The following ABCB1 variants were observed in gnomAD, a reference collection of about 807,000 sequenced individuals.
ABCB1 encodes ATP binding cassette subfamily B member 1.
In ABCB1, 69 loss-of-function variants were observed where a neutral mutation model predicts 142.0. The observed-to-expected ratio is 0.49, with a 90% confidence interval of 0.40 to 0.59. The LOEUF is 0.59. ABCB1 is among the 20% of genes least tolerant of loss of function. The pLI is 0.00. For missense variants in ABCB1, 1,326 were observed against 1,554.7 expected (o/e 0.85, Z 2.47); for synonymous variants, 532 against 539.2 (o/e 0.99, Z 0.18).
chr7:87,700,721 T>C (rs1828957222), intron 1 of ABCB1: 1 of 618,006 alleles, frequency 1.6e-6, no homozygotes, highest in Non-Finnish European at 2.7e-6. Flanking sequence ...TCTAAACTAG[T>C]GGCTCTCAAA....
At chr7:87,587,974 T>C (rs978062001) in intron 3 of ABCB1, among the ~76,000 whole-genome samples, 4 of 151,758 alleles carry the variant, frequency 2.6e-5, no homozygotes, top group African/African-American at 7.3e-5. Flanking sequence ...ACCCTCAAGT[T>C]TGGGGTGTAA....
At chr7:87,678,307 G>A (rs1184057389) in intron 1 of ABCB1, among the ~76,000 whole-genome samples, 1 of 152,164 alleles carries the variant, frequency 6.6e-6, no homozygotes, top group East Asian at 1.9e-4. Flanking sequence ...AGGTTTCCAG[G>A]TTTGCATGTA....
Position 87,618,376 on chromosome 7 carries a change from A to T in ABCB1, c.-330-17298T>A, listed in dbSNP as rs28381776. Among the ~76,000 whole-genome samples the T allele has an allele frequency of 1.4e-4, 22 of 152,342 alleles. No individual in the cohort carries two copies. In the East Asian group the frequency reaches 3.9e-3, roughly 27 times the overall value. On this transcript the variant is annotated intron_variant, in intron 1 of 28. Transcript: ENST00000265724. ...TCTGTCACTTAATGGGCAACTAAAA[A>T]ATATTTATTGAATAAATAAATACAA... is the stretch of plus-strand genomic sequence containing the variant.
intron 8 of ABCB1, among the ~76,000 whole-genome samples, chr7:87,558,599 G>C (rs1817413677): frequency 6.6e-6 from 1 of 151,900 alleles, no homozygotes; most frequent in South Asian, 2.1e-4. Flanking sequence ...AGAAATGATA[G>C]TAAACACATT....
At chr7:87,665,308 A>C (rs1318382603) in intron 1 of ABCB1, among the ~76,000 whole-genome samples, 1 of 152,144 alleles carries the variant, frequency 6.6e-6, no homozygotes, top group Non-Finnish European at 1.5e-5. Context: ...GAACTATCCA[A>C]AAATAGAAAT....
At chr7:87,699,997 T>TG (rs1828875004) in intron 1 of ABCB1, among the ~76,000 whole-genome samples, 1 of 151,978 alleles carries the variant, frequency 6.6e-6, no homozygotes, top group Non-Finnish European at 1.5e-5. Context: ...ATTATGGTGG[T>TG]GGGGTTTTTT....
At position 87,626,752 on chromosome 7, in the gene ABCB1, CATATATATGTCATATATATGTCAG is replaced by C. The variant is rs1563082010; in HGVS notation, c.-330-25698_-330-25675del. Among the ~76,000 whole-genome samples the C allele has an allele frequency of 1.5e-3, 71 of 48,876 alleles. 1 individual carries two copies. Among genetic ancestry groups the C allele is most frequent in the Admixed American group, 3.1e-3 (14 of 4,558 alleles). The allele number at this position is 48,876 out of a possible 152,430, so 32.1% of individuals were successfully genotyped here. A position where few individuals can be genotyped will look rare whatever the true frequency, so the allele number is the denominator to read the frequency against. ...TCATATATATGTGTCATATATATGTCATATATATGTCATATATATGTCAGAGAGAGAGAGAGAGAGAGAGATGGA... is the reference window on the plus strand; with the variant it reads ...TCATATATATGTGTCATATATATGTCAGAGAGAGAGAGAGAGAGAGATGGA... On this transcript the variant is annotated intron_variant, in intron 1 of 28. Coordinates refer to the ABCB1 transcript ENST00000265724.
intron 1 of ABCB1, among the ~76,000 whole-genome samples, chr7:87,649,826 G>A (rs570677956): frequency 2.0e-5 from 3 of 152,230 alleles, no homozygotes; most frequent in Admixed American, 6.5e-5. Flanking sequence ...TGTTCTTGTA[G>A]TAGTGAATAA....
chr7:87,552,394 T>C (rs895595896), intron 9 of ABCB1, among the ~76,000 whole-genome samples: 8 of 152,192 alleles, frequency 5.3e-5, no homozygotes, highest in African/African-American at 1.7e-4. Flanking sequence ...TGTCATATCA[T>C]TTGGCAGAAG....
intron 20 of ABCB1, among the ~76,000 whole-genome samples, chr7:87,533,227 A>G (rs1816139594): frequency 1.3e-5 from 2 of 152,064 alleles, no homozygotes; most frequent in African/African-American, 4.8e-5. Context: ...CAGGGATGAT[A>G]TAAGTTGCTC....
chr7:87,685,058 G>A (rs1827321502), intron 1 of ABCB1, among the ~76,000 whole-genome samples: 1 of 151,872 alleles, frequency 6.6e-6, no homozygotes, highest in Non-Finnish European at 1.5e-5. Context: ...AACAACAAAA[G>A]TACAATCCAT....
chr7:87,698,171 C>T (rs1828667398), intron 1 of ABCB1, among the ~76,000 whole-genome samples: 1 of 152,196 alleles, frequency 6.6e-6, no homozygotes, highest in African/African-American at 2.4e-5. Context: ...ACGATCTCGG[C>T]TCACTGCAAG....
At chr7:87,628,572 G>GGTGCGTGC (rs1226549428) in intron 1 of ABCB1, 39 of 326,800 alleles carry the variant, frequency 1.2e-4, no homozygotes, top group Middle Eastern at 1.6e-3. Flanking sequence ...GGGCGGAGGT[G>GGTGCGTGC]GTGCGTGCGT....
chr7:87,588,908 G>A (rs1818870340), intron 3 of ABCB1, among the ~76,000 whole-genome samples: 4 of 152,166 alleles, frequency 2.6e-5, no homozygotes, highest in Admixed American at 2.6e-4. Flanking sequence ...GATCAGTGAT[G>A]TTGAGCTTTT....
intron 23 of ABCB1, among the ~76,000 whole-genome samples, chr7:87,517,888 C>T (rs1271139979): frequency 6.6e-6 from 1 of 152,154 alleles, no homozygotes; most frequent in Non-Finnish European, 1.5e-5. Flanking sequence ...TAGGAAGTAG[C>T]ATGTTTGATT....
chr7:87,664,805 A>G (rs1825067926), intron 1 of ABCB1, among the ~76,000 whole-genome samples: 1 of 152,170 alleles, frequency 6.6e-6, no homozygotes, highest in African/African-American at 2.4e-5. Flanking sequence ...AATATAGAAA[A>G]TACATTTGAC....
chr7:87,574,753 C>G (rs1161368425), intron 4 of ABCB1, among the ~76,000 whole-genome samples: 1 of 152,188 alleles, frequency 6.6e-6, no homozygotes, highest in Non-Finnish European at 1.5e-5. Context: ...AGCAGAGTGA[C>G]TCATCTTGCA....
chr7:87,572,908 G>C (rs187475803), intron 4 of ABCB1, among the ~76,000 whole-genome samples: 63 of 122,258 alleles, frequency 5.2e-4, no homozygotes, highest in Admixed American at 1.3e-3. Context: ...TGTGGAGGGT[G>C]GGGGGAGGGA....
rs764536487 is a variant in ABCB1 at position 87,566,979 on chromosome 7, G to T, written c.339-3C>A. On this transcript the variant is annotated splice_region_variant and splice_polypyrimidine_tract_variant and intron_variant, in intron 5 of 27. Coordinates refer to ENST00000622132, the MANE Select transcript of ABCB1 (RefSeq NM_001348946.2). Reference sequence around the variant, plus strand: ...TTCCACTGTAATAATAGGCATACCTGAAAAACAACAAGAACACTGCACATG... The same window carrying T: ...TTCCACTGTAATAATAGGCATACCTTAAAAACAACAAGAACACTGCACATG... The T allele has an allele frequency of 6.2e-7, 1 of 1,613,878 alleles. No homozygotes were observed. The highest frequency in any genetic ancestry group is 8.5e-7 in the Non-Finnish European group (1 of 1,179,776).
Sources: allele counts gnomAD v4.1 joint callset (sites outside exome capture counted in the v4.1 genomes callset), GRCh38; gene constraint gnomAD v4.1.1; transcripts MANE v1.5; gene names NCBI Gene and HGNC (gene_info 2026-07-23, HGNC 2026-07-21).